NCOR1: variants seen among roughly 807,000 people sequenced by gnomAD.
NCOR1 encodes protein phosphatase 1, regulatory subunit 109.
Under a neutral mutation model 288.1 loss-of-function variants are expected in NCOR1, and 63 were observed. The observed-to-expected ratio is 0.22, with a 90% CI of 0.18 to 0.27. The LOEUF is 0.27. NCOR1 is among the 10% of genes least tolerant of loss of function. The pLI is 1.00. For synonymous variants in NCOR1, 1,007 were observed against 1,065.9 expected (o/e 0.94, Z 1.08); for missense variants, 2,397 against 3,019.2 (o/e 0.79, Z 4.83).
At chr17:16,172,123 C>A in intron 3 of NCOR1, 128 bp from the exon 4 acceptor site, 1 of 691,114 alleles carries the variant, frequency 1.4e-6, no homozygotes, top group Non-Finnish European at 2.3e-6. Flanking sequence ...TGAATCCGTA[C>A]CCCTTCTGTT....
At chr17:16,109,331 G>A (rs1480836535) in intron 18 of NCOR1, among the ~76,000 whole-genome samples, 2 of 151,960 alleles carry the variant, frequency 1.3e-5, no homozygotes, top group Non-Finnish European at 1.5e-5. Context: ...TATTCCAACA[G>A]TAAGAGATCC....
At chr17:16,080,310 T>C (rs1010861120) in intron 25 of NCOR1, 98 bp downstream of exon 25, 3 of 1,050,002 alleles carry the variant, frequency 2.9e-6, no homozygotes, top group East Asian at 2.6e-5. Context: ...TTAAAGACTA[T>C]AGTTAAAAAA....
chr17:16,067,370 G>GA (rs1441458913), intron 32 of NCOR1, among the ~76,000 whole-genome samples: 1 of 152,206 alleles, frequency 6.6e-6, no homozygotes, highest in Non-Finnish European at 1.5e-5. Flanking sequence ...ATCAGGTGCG[G>GA]ACTAGACAAC....
intron 14 of NCOR1, among the ~76,000 whole-genome samples, chr17:16,129,859 A>G (rs2153224022): frequency 6.6e-6 from 1 of 152,332 alleles, no homozygotes; most frequent in East Asian, 1.9e-4. Context: ...TTATTTCCCC[A>G]ATACTTTTCT....
chr17:16,070,159 A>G lies in NCOR1; in HGVS notation c.4513+6T>C, dbSNP rs753695906. The G allele has an allele frequency of 6.3e-7, 1 of 1,590,586 alleles. No individual in the cohort carries two copies. The highest frequency in any genetic ancestry group is 2.2e-5 in the East Asian group (1 of 44,620). Reference sequence around the variant, plus strand: ...AGTATCAGACCAAGCAACAAAAGTAACATACCATCAGAAGTTCTGTTCATC... The same window carrying G: ...AGTATCAGACCAAGCAACAAAAGTAGCATACCATCAGAAGTTCTGTTCATC... On this transcript the variant is annotated splice_donor_region_variant and intron_variant, in intron 31 of 45. Coordinates refer to ENST00000268712, the MANE Select transcript of NCOR1 (RefSeq NM_006311.4).
intron 22 of NCOR1, among the ~76,000 whole-genome samples, chr17:16,090,240 AATG>A (rs1234570446): frequency 6.6e-6 from 1 of 152,140 alleles, no homozygotes; most frequent in South Asian, 2.1e-4. Context: ...TATTACTAAC[AATG>A]ATGTTATGCC....
At chr17:16,207,928 C>T (rs2091717235) in intron 1 of NCOR1, among the ~76,000 whole-genome samples, 1 of 151,530 alleles carries the variant, frequency 6.6e-6, no homozygotes, top group South Asian at 2.1e-4. Context: ...TCCTTTACTC[C>T]TGACTAATCT....
chr17:16,210,831 G>A (rs922507047), intron 1 of NCOR1, among the ~76,000 whole-genome samples: 2 of 151,502 alleles, frequency 1.3e-5, no homozygotes, highest in African/African-American at 2.4e-5. Flanking sequence ...CCGGGTTCAC[G>A]CCATTCTCCT....
chr17:16,043,786 G>T, intron 42 of NCOR1, among the ~76,000 whole-genome samples: 1 of 152,202 alleles, frequency 6.6e-6, no homozygotes, highest in African/African-American at 2.4e-5. Flanking sequence ...TTGAAAACAA[G>T]AGTATATTTT....
chr17:16,087,840 A>G (rs2064491264), intron 22 of NCOR1, among the ~76,000 whole-genome samples: 1 of 152,218 alleles, frequency 6.6e-6, no homozygotes, highest in Non-Finnish European at 1.5e-5. Flanking sequence ...AAGCTTATAA[A>G]AACCATGAAT....
intron 2 of NCOR1, among the ~76,000 whole-genome samples, chr17:16,193,350 C>T (rs1288185223): frequency 6.6e-6 from 1 of 152,048 alleles, no homozygotes. Context: ...CCAGCCTCAG[C>T]CTCCCGAGTG....
intron 2 of NCOR1, among the ~76,000 whole-genome samples, chr17:16,188,234 T>C (rs2087167570): frequency 6.6e-6 from 1 of 152,154 alleles, no homozygotes; most frequent in African/African-American, 2.4e-5. Flanking sequence ...TGAGAGCCCT[T>C]CTCTATAAGT....
intron 19 of NCOR1, among the ~76,000 whole-genome samples, chr17:16,105,411 C>T (rs1212917901): frequency 1.3e-5 from 2 of 152,022 alleles, no homozygotes; most frequent in African/African-American, 4.8e-5. Flanking sequence ...AGCGAGACCT[C>T]ATCTCTAAAA....
intron 3 of NCOR1, among the ~76,000 whole-genome samples, chr17:16,176,285 T>C (rs1220889983): frequency 6.6e-6 from 1 of 152,218 alleles, no homozygotes; most frequent in African/African-American, 2.4e-5. Flanking sequence ...TTTGTTTTGT[T>C]TGAAACAGAG....
At chr17:16,090,591 G>C (rs1291082385) in intron 22 of NCOR1, among the ~76,000 whole-genome samples, 1 of 152,088 alleles carries the variant, frequency 6.6e-6, no homozygotes, top group Non-Finnish European at 1.5e-5. Flanking sequence ...CAGAGTAAAA[G>C]CCTAAAAGTT....
intron 11 of NCOR1, among the ~76,000 whole-genome samples, chr17:16,139,915 T>C (rs1217359850): frequency 6.6e-6 from 1 of 152,216 alleles, no homozygotes; most frequent in African/African-American, 2.4e-5. Flanking sequence ...CTCATAAAAG[T>C]GGATACTGCC....
At chr17:16,088,765 T>C (rs1173740550) in intron 22 of NCOR1, among the ~76,000 whole-genome samples, 1 of 152,134 alleles carries the variant, frequency 6.6e-6, no homozygotes. Flanking sequence ...TCACATCTAA[T>C]TGCCCAATCA....
At chr17:16,127,357 GTATATATACA>G (rs2074519995) in intron 14 of NCOR1, among the ~76,000 whole-genome samples, 2 of 139,412 alleles carry the variant, frequency 1.4e-5, no homozygotes, top group Non-Finnish European at 1.5e-5. Context: ...ATATATGTAT[GTATATATACA>G]TGTATGTATA....
chr17:16,180,026 G>A (rs369179572), intron 3 of NCOR1, among the ~76,000 whole-genome samples: 3 of 147,948 alleles, frequency 2.0e-5, no homozygotes, highest in African/African-American at 2.5e-5. Context: ...AACACATCAC[G>A]AAGATTACAA....
Sources: gnomAD v4.1 joint callset for allele counts (sites outside exome capture counted in the v4.1 genomes callset) on GRCh38, gnomAD v4.1.1 for gene constraint, MANE v1.5 for transcripts, NCBI Gene and HGNC (gene_info 2026-07-23, HGNC 2026-07-21) for gene names.